SLC22A16: variants seen among roughly 807,000 people sequenced by gnomAD.
SLC22A16 encodes WUGSC:RG331P03.1.
SLC22A16 carries 53 observed loss-of-function variants against 52.9 expected under a neutral mutation model. That is an observed-to-expected ratio of 1.00 (90% CI 0.80 to 1.26). The LOEUF is 1.26. Among genes scored for constraint, SLC22A16 ranks in the 50% most tolerant of loss-of-function variants. SLC22A16 has a pLI of 0.00. For missense variants in SLC22A16, 726 were observed against 704.0 expected (o/e 1.03, Z -0.35); for synonymous variants, 291 against 268.8 (o/e 1.08, Z -0.81).
chr6:110,451,203 A>C (rs1181992616), intron 2 of SLC22A16, among the ~76,000 whole-genome samples: 1 of 152,194 alleles, frequency 6.6e-6, no homozygotes, highest in Non-Finnish European at 1.5e-5. Flanking sequence ...ACATGTGTCC[A>C]TGAGATAATT....
At chr6:110,460,709 C>G (rs570014257) in intron 1 of SLC22A16, among the ~76,000 whole-genome samples, 2 of 152,260 alleles carry the variant, frequency 1.3e-5, no homozygotes, top group Non-Finnish European at 2.9e-5. Context: ...TGAGCCACTG[C>G]CCTGCCCAAG....
intron 2 of SLC22A16, among the ~76,000 whole-genome samples, chr6:110,453,406 G>A (rs906710375): frequency 6.6e-6 from 1 of 152,130 alleles, no homozygotes; most frequent in Admixed American, 6.6e-5. Context: ...CCCAAGATGA[G>A]GGTATACAAA....
intron 6 of SLC22A16, among the ~76,000 whole-genome samples, chr6:110,435,025 A>G (rs1474787206): frequency 6.6e-6 from 1 of 152,134 alleles, no homozygotes; most frequent in African/African-American, 2.4e-5. Context: ...TTGATCCAGC[A>G]GGTCTGGTGT....
chr6:110,471,098 G>A (rs2428190), intron 1 of SLC22A16, among the ~76,000 whole-genome samples: 112,421 of 152,096 alleles, frequency 0.74, 42,811 homozygotes, highest in Non-Finnish European at 0.85. Context: ...GCCACAAAAC[G>A]ACGTTTCGGT....
intron 2 of SLC22A16, chr6:110,453,719 A>G (rs1200460181): frequency 2.2e-6 from 1 of 456,202 alleles, no homozygotes; most frequent in Admixed American, 2.3e-5. Flanking sequence ...AGGGGACATT[A>G]TCTCATCATA....
chr6:110,466,176 CA>C (rs1259962532), intron 1 of SLC22A16, among the ~76,000 whole-genome samples: 2 of 151,988 alleles, frequency 1.3e-5, no homozygotes, highest in Non-Finnish European at 2.9e-5. Flanking sequence ...ACCTGACACT[CA>C]AAAAGTCCTA....
chr6:110,462,038 G>A (rs1775904496), intron 1 of SLC22A16, among the ~76,000 whole-genome samples: 1 of 152,148 alleles, frequency 6.6e-6, no homozygotes, highest in South Asian at 2.1e-4. Context: ...TTACATGGAT[G>A]GCAACAGGCA....
At chr6:110,425,411 C>T (rs1774219376) in intron 7 of SLC22A16, 1 of 1,318,490 alleles carries the variant, frequency 7.6e-7, no homozygotes, top group Non-Finnish European at 1.0e-6. Flanking sequence ...AAGACACTTA[C>T]CCCATCTTTC....
chr6:110,457,881 G>A (rs957763485), intron 1 of SLC22A16, among the ~76,000 whole-genome samples: 1 of 152,104 alleles, frequency 6.6e-6, no homozygotes, highest in African/African-American at 2.4e-5. Context: ...AGCAGACCAG[G>A]AAAGGGAGTC....
At chr6:110,451,009 G>C (rs931994469) in intron 2 of SLC22A16, among the ~76,000 whole-genome samples, 3 of 152,182 alleles carry the variant, frequency 2.0e-5, no homozygotes, top group African/African-American at 7.2e-5. Context: ...CTTATAAACA[G>C]TATAGGTAAG....
intron 1 of SLC22A16, among the ~76,000 whole-genome samples, chr6:110,469,733 G>A (rs1776196442): frequency 1.4e-5 from 2 of 147,974 alleles, no homozygotes; most frequent in African/African-American, 5.2e-5. Flanking sequence ...TAAGGAAACA[G>A]TTCATATGTA....
rs1554229887 is a variant in SLC22A16, at chr6:110,476,507, G to GCCCCCCCCCCCCCCCCCC, written c.53+14_53+15insGGGGGGGGGGGGGGGGGG. 1.9e-6 allele frequency: 2 copies of GCCCCCCCCCCCCCCCCCC among 1,072,996 alleles called. No homozygotes were observed. Among genetic ancestry groups the GCCCCCCCCCCCCCCCCCC allele is most frequent in the African/African-American group, 2.8e-5 (1 of 35,464 alleles). 66.5% of individuals were successfully genotyped at this position (1,072,996 alleles called of 1,614,324 possible). ...GCCGCCTCCCGCGTGGCGCCGCGGGGCCCCTCCCCCATACCTGCCGAAGTG... is the reference window on the plus strand; with the variant it reads ...GCCGCCTCCCGCGTGGCGCCGCGGGGCCCCCCCCCCCCCCCCCCCCCCTCCCCCATACCTGCCGAAGTG... On this transcript the variant is annotated intron_variant, in intron 1 of 7. Transcript: ENST00000368919.
intron 6 of SLC22A16, among the ~76,000 whole-genome samples, chr6:110,433,084 A>G (rs1774571114): frequency 6.6e-6 from 1 of 152,112 alleles, no homozygotes. Flanking sequence ...TTATTATTAG[A>G]CTGCGAGAGT....
rs1562292261 is a variant in SLC22A16, at chr6:110,454,611, TTTTATATATAATATATA to T, written c.533+1910_533+1926del. 1.3e-4 allele frequency among the ~76,000 whole-genome samples: 11 copies of T among 84,852 alleles called. 1 individual carries two copies. The highest frequency in any genetic ancestry group is 5.5e-4 in the African/African-American group (10 of 18,336). 55.7% of individuals were successfully genotyped at this position (84,852 alleles called of 152,430 possible). A position where few individuals can be genotyped will look rare whatever the true frequency, so the allele number is the denominator to read the frequency against. On this transcript the variant is annotated intron_variant, in intron 2 of 7. Transcript: ENST00000368919. ...AATATATATTTATATATATTATATA[TTTTATATATAATATATA>T]TTTATATATATTATATATTTTATAT...
intron 1 of SLC22A16, chr6:110,476,258 C>A: frequency 9.3e-7 from 1 of 1,076,458 alleles, no homozygotes; most frequent in Non-Finnish European, 1.3e-6. Flanking sequence ...GAGCACGCAC[C>A]AGGTCCCTCC....
rs1194457140 is a variant in SLC22A16 at position 110,424,789 on chromosome 6, A to C, written c.*84T>G. 1 of 1,459,176 alleles carries C rather than the reference A, an allele frequency of 6.9e-7. No individual in the cohort carries two copies. The highest frequency in any genetic ancestry group is 2.3e-5 in the East Asian group (1 of 43,848). The allele number at this position is 1,459,176 out of a possible 1,614,324, so 90.4% of individuals were successfully genotyped here. ...TATTAAAAAGACATACAAACAACAT[A>C]TGGGAGATGAGAATAAGATTCCTCT... On this transcript the variant is annotated 3_prime_UTR_variant, in exon 8 of 8. Transcript: ENST00000368919.
intron 3 of SLC22A16, among the ~76,000 whole-genome samples, chr6:110,445,480 C>A (rs1048762570): frequency 6.6e-6 from 1 of 152,174 alleles, no homozygotes; most frequent in Non-Finnish European, 1.5e-5. Flanking sequence ...GTTTACTTAG[C>A]ATTACACTCT....
intron 1 of SLC22A16, among the ~76,000 whole-genome samples, chr6:110,466,437 C>CA (rs35355091): frequency 0.12 from 18,633 of 149,482 alleles, 1,341 homozygotes; most frequent in African/African-American, 0.21. Flanking sequence ...CAAATTAATA[C>CA]AAAAAAAAAC....
intron 1 of SLC22A16, among the ~76,000 whole-genome samples, chr6:110,464,996 A>G (rs1301607154): frequency 6.6e-6 from 1 of 152,094 alleles, no homozygotes; most frequent in Non-Finnish European, 1.5e-5. Flanking sequence ...TATGCAAGTC[A>G]ATTAATGTCA....
Sources: allele counts gnomAD v4.1 joint callset (sites outside exome capture counted in the v4.1 genomes callset), GRCh38; gene constraint gnomAD v4.1.1; transcripts MANE v1.5; gene names NCBI Gene and HGNC (gene_info 2026-07-23, HGNC 2026-07-21).